The following GATA4 variants were observed in gnomAD, a reference collection of about 807,000 sequenced individuals.
The protein encoded by GATA4 is transcription factor GATA-4.
Under a neutral mutation model 37.9 loss-of-function variants are expected in GATA4, and 7 were observed. That is an observed-to-expected ratio of 0.18 (90% confidence interval 0.11 to 0.35). The LOEUF (loss-of-function observed/expected upper bound fraction) is 0.35, where lower values mean the gene tolerates loss of function less well. Ranked by LOEUF, GATA4 falls within the 10% of genes least tolerant of loss-of-function variation. GATA4 has a pLI of 1.00. For synonymous variants in GATA4, 372 were observed against 292.6 expected (o/e 1.27, Z -2.77); for missense variants, 647 against 653.0 (o/e 0.99, Z 0.10).
chr8:11,709,028 GGC>G lies in GATA4; in HGVS notation c.616+101_616+102del. The stretch of plus-strand genomic sequence containing the variant: ...TGTTTTTCCACCAACGCCTTCGTTG[GGC>G]TGGGGATGGTGCTTCACTACCTCGA... On this transcript the variant is annotated intron_variant, in intron 2 of 6. Coordinates refer to ENST00000532059, the MANE Select transcript of GATA4 (RefSeq NM_001308093.3). The surrounding 1 kb of genome is among the most constrained non-coding windows in gnomAD (Gnocchi z 4.3). The G allele has an allele frequency of 7.3e-6, 9 of 1,233,780 alleles. No homozygotes were observed. The highest frequency in any genetic ancestry group is 9.7e-6 in the Non-Finnish European group (9 of 929,572). 76.4% of individuals were successfully genotyped at this position (1,233,780 alleles called of 1,614,324 possible).
chr8:11,710,859 C>T (rs1176997220), intron 2 of GATA4, among the ~76,000 whole-genome samples: 2 of 152,186 alleles, frequency 1.3e-5, no homozygotes, highest in African/African-American at 4.8e-5. Flanking sequence ...CGGTGTCTCA[C>T]GCCTGTAATC....
intron 2 of GATA4, among the ~76,000 whole-genome samples, chr8:11,745,715 A>G (rs1012246151): frequency 3.3e-5 from 5 of 152,224 alleles, no homozygotes; most frequent in Non-Finnish European, 7.3e-5. Context: ...ACATTATGAG[A>G]TGTTTTTCAC....
At chr8:11,689,152 G>C (rs570207943), upstream of GATA4, among the ~76,000 whole-genome samples, 1 of 152,284 alleles carries the variant, frequency 6.6e-6, no homozygotes, top group Non-Finnish European at 1.5e-5. Context: ...TCAATTCACT[G>C]TCCCTCCCCA....
intron 6 of GATA4, 81 bp from the exon 7 acceptor site, chr8:11,758,212 C>T: frequency 7.0e-7 from 1 of 1,424,464 alleles, no homozygotes; most frequent in East Asian, 2.3e-5. Context: ...ATCTGCATAG[C>T]AGGGCACCCT....
upstream of GATA4, among the ~76,000 whole-genome samples, chr8:11,703,972 G>T (rs28472428): frequency 6.6e-6 from 1 of 152,258 alleles, no homozygotes; most frequent in African/African-American, 2.4e-5. Context: ...CCTCCGGCTG[G>T]GTTGCGGGTG....
At chr8:11,743,454 G>C (rs1563223282) in intron 2 of GATA4, among the ~76,000 whole-genome samples, 1 of 152,266 alleles carries the variant, frequency 6.6e-6, no homozygotes, top group Non-Finnish European at 1.5e-5. Context: ...GGAAGTCTGA[G>C]GGGAGCATCT....
chr8:11,754,856 A>C (rs540398155), intron 4 of GATA4, among the ~76,000 whole-genome samples, 190 bp from the exon 5 acceptor site: 1 of 152,184 alleles, frequency 6.6e-6, no homozygotes, highest in South Asian at 2.1e-4. Context: ...CAGGTGCTCG[A>C]TAAGTTTTTT....
intron 2 of GATA4, among the ~76,000 whole-genome samples, chr8:11,719,284 C>G (rs1266421226): frequency 6.6e-6 from 1 of 151,158 alleles, no homozygotes; most frequent in African/African-American, 2.4e-5. Flanking sequence ...TAAAGACAGG[C>G]AATAATACAG....
intron 2 of GATA4, among the ~76,000 whole-genome samples, chr8:11,744,095 G>A (rs901782451): frequency 3.9e-5 from 6 of 152,172 alleles, no homozygotes; most frequent in Non-Finnish European, 5.9e-5. Context: ...AAACCTGACC[G>A]CTGAGAGCAC....
chr8:11,696,278 T>A lies in GATA4; in HGVS notation c.-729+3618T>A, dbSNP rs563958704. ...TTCTTCCTCCCCCTCTACAGTCAAC[T>A]CTTCCCCCTCCTCAGCCCCTGGCAA... is the stretch of plus-strand genomic sequence containing the variant. On this transcript the variant is annotated intron_variant, in intron 1 of 2. Transcript: ENST00000526974. Among the ~76,000 whole-genome samples, 5 of 152,218 alleles carry A rather than the reference T, an allele frequency of 3.3e-5. No individual in the cohort carries two copies. In the East Asian group the frequency reaches 9.6e-4, roughly 29 times the overall value.
intron 5 of GATA4, 129 bp from the exon 6 acceptor site, chr8:11,756,806 C>T: frequency 3.2e-6 from 4 of 1,238,914 alleles, no homozygotes; most frequent in Non-Finnish European, 4.7e-6. Context: ...AGATAAGGAC[C>T]TCTGCTGCTG....
chr8:11,723,307 G>A (rs972451373), intron 2 of GATA4, among the ~76,000 whole-genome samples: 1 of 151,816 alleles, frequency 6.6e-6, no homozygotes, highest in Non-Finnish European at 1.5e-5. Flanking sequence ...AGTGACTCAT[G>A]GTCCAACCAC....
At chr8:11,704,550 G>T (rs939773438) in intron 1 of GATA4, among the ~76,000 whole-genome samples, 2 of 152,358 alleles carry the variant, frequency 1.3e-5, no homozygotes, top group South Asian at 4.1e-4. Flanking sequence ...GATTCTTTCC[G>T]TGTGAACTTG....
chr8:11,734,820 A>G (rs555805110), intron 2 of GATA4, among the ~76,000 whole-genome samples: 2 of 152,262 alleles, frequency 1.3e-5, no homozygotes, highest in African/African-American at 4.8e-5. Flanking sequence ...TACTAATCCC[A>G]TTCATGAGGG....
chr8:11,684,211 T>A (rs1378604513), intron 1 of GATA4, among the ~76,000 whole-genome samples: 2 of 152,196 alleles, frequency 1.3e-5, no homozygotes, highest in Admixed American at 1.3e-4. Context: ...TCTGATGTTA[T>A]GGTGGATATT....
intron 1 of GATA4, among the ~76,000 whole-genome samples, chr8:11,694,191 T>C (rs1258982684): frequency 6.6e-6 from 1 of 152,214 alleles, no homozygotes; most frequent in Non-Finnish European, 1.5e-5. Context: ...GTTTGCATGA[T>C]GCCTGGCACA....
intron 1 of GATA4, chr8:11,683,243 G>A (rs932186850): frequency 3.0e-5 from 19 of 623,588 alleles, no homozygotes; most frequent in Admixed American, 6.3e-5. Context: ...GGAGGGACGG[G>A]GCTGGCGTGC....
Position 11,708,427 on chromosome 8 carries a change from G to T in GATA4, c.115G>T (p.Val39Leu), listed in dbSNP as rs1139241. ...GAGAASSPVY[V>L]PTPRVPSSVL... ...GGGCGCCGCGTCCTCGCCAGTCTAC[G>T]TGCCCACACCGCGGGTGCCCTCCTC... The change falls in exon 2 of 7, where the codon GTG (valine) becomes TTG (leucine). Residue 39 changes from valine (V) to leucine (L), a missense_variant. Coordinates refer to ENST00000532059, the MANE Select transcript of GATA4 (RefSeq NM_001308093.3). The surrounding 1 kb of genome is among the most constrained non-coding windows in gnomAD (Gnocchi z 6.7). The T allele has an allele frequency of 1.3e-6, 2 of 1,536,134 alleles. No homozygotes were observed. The highest frequency in any genetic ancestry group is 1.7e-6 in the Non-Finnish European group (2 of 1,147,404).
At chr8:11,727,386 T>C (rs1800978319) in intron 2 of GATA4, among the ~76,000 whole-genome samples, 1 of 152,202 alleles carries the variant, frequency 6.6e-6, no homozygotes, top group East Asian at 1.9e-4. Context: ...CAGCTGTTCC[T>C]GGTGAAGGGG....
Sources: allele counts gnomAD v4.1 joint callset (sites outside exome capture counted in the v4.1 genomes callset), GRCh38; gene constraint gnomAD v4.1.1; non-coding constraint Gnocchi (gnomAD v3.1); transcripts MANE v1.5; gene names NCBI Gene and HGNC (gene_info 2026-07-23, HGNC 2026-07-21).